The following ASTN1 variants were observed in gnomAD, a reference collection of about 807,000 sequenced individuals.
ASTN1 encodes astrotactin 1, also known as astrotactin-1.
In ASTN1, 41 loss-of-function variants were observed where a neutral mutation model predicts 140.7. The ratio of observed to expected loss-of-function variants is 0.29; its 90% CI spans 0.23 to 0.38. ASTN1 has a LOEUF of 0.38. Ranked by LOEUF, ASTN1 falls within the 10% of genes least tolerant of loss-of-function variation. The probability of loss-of-function intolerance (pLI) is 1.00; values close to 1 mark genes in which losing one functional copy is unlikely to be tolerated. For missense variants in ASTN1, 1,479 were observed against 1,678.8 expected, an observed-to-expected ratio of 0.88 and a Z score of 2.08; for synonymous variants, 640 against 652.2, an observed-to-expected ratio of 0.98 and a Z score of 0.29.
intron 8 of ASTN1, among the ~76,000 whole-genome samples, chr1:177,009,363 C>T (rs1173317491): frequency 6.6e-6 from 1 of 152,192 alleles, no homozygotes; most frequent in Non-Finnish European, 1.5e-5. Context: ...TTAAGAATGA[C>T]ATCCTTCAGG....
intron 1 of ASTN1, among the ~76,000 whole-genome samples, chr1:177,113,543 C>A (rs1680922296): frequency 1.3e-5 from 2 of 152,184 alleles, no homozygotes; most frequent in Non-Finnish European, 2.9e-5. Context: ...GTGTCAGTGC[C>A]TGAGCTGGGC....
At chr1:176,930,059 A>G (rs192105782) in intron 16 of ASTN1, among the ~76,000 whole-genome samples, 2 of 152,314 alleles carry the variant, frequency 1.3e-5, no homozygotes, top group Non-Finnish European at 2.9e-5. Context: ...GTGGAGTGGC[A>G]GGAAACGGAA....
intron 16 of ASTN1, among the ~76,000 whole-genome samples, chr1:176,903,615 G>GT (rs1669862347): frequency 6.6e-6 from 1 of 152,110 alleles, no homozygotes. Flanking sequence ...ACTTGATTCC[G>GT]TTTTTTCATT....
chr1:176,867,328 G>A (rs527737362), intron 22 of ASTN1, among the ~76,000 whole-genome samples: 2 of 152,230 alleles, frequency 1.3e-5, no homozygotes, highest in South Asian at 4.1e-4. Context: ...AGAGGGGAGA[G>A]GGGAGCAGAG....
chr1:176,943,440 A>C (rs12062044), intron 14 of ASTN1, among the ~76,000 whole-genome samples: 4,342 of 152,254 alleles, frequency 0.029, 198 homozygotes, highest in African/African-American at 0.098. Flanking sequence ...GCAGAGATGC[A>C]AACCCAGGGT....
Position 177,030,796 on chromosome 1 carries a change from A to G in ASTN1, c.1012+10T>C. 6.2e-7 allele frequency: 1 copy of G among 1,614,010 alleles called. No homozygotes were observed. Among genetic ancestry groups the G allele is most frequent in the African/African-American group, 1.3e-5 (1 of 75,038 alleles). ...ATCCACCCACGAGCCCTAATGTCAGACATGCATACCTCTTGCTTTGTTGTT... is the reference window on the plus strand; with the variant it reads ...ATCCACCCACGAGCCCTAATGTCAGGCATGCATACCTCTTGCTTTGTTGTT... On this transcript the variant is annotated intron_variant, in intron 4 of 22. Coordinates refer to ENST00000361833, the MANE Select transcript of ASTN1 (RefSeq NM_004319.3).
intron 15 of ASTN1, among the ~76,000 whole-genome samples, chr1:176,934,581 CA>C (rs996998553): frequency 2.0e-5 from 3 of 151,536 alleles, no homozygotes; most frequent in African/African-American, 7.3e-5. Flanking sequence ...AAAACATTGC[CA>C]AACCTCTACT....
At chr1:176,941,992 G>A (rs1202398519) in intron 14 of ASTN1, among the ~76,000 whole-genome samples, 5 of 152,272 alleles carry the variant, frequency 3.3e-5, no homozygotes, top group East Asian at 1.9e-4. Context: ...GTGCATGTGC[G>A]CGTGTGCATG....
intron 16 of ASTN1, among the ~76,000 whole-genome samples, chr1:176,932,857 C>T (rs1293236417): frequency 6.6e-6 from 1 of 152,212 alleles, no homozygotes; most frequent in Non-Finnish European, 1.5e-5. Context: ...CCTTGAACCA[C>T]TGGCAAACAG....
intron 8 of ASTN1, among the ~76,000 whole-genome samples, chr1:176,971,913 C>T (rs890907627): frequency 5.9e-5 from 9 of 152,080 alleles, no homozygotes; most frequent in African/African-American, 2.2e-4. Context: ...TCATGAGTTG[C>T]TCAATGATGA....
At chr1:177,163,236 T>C (rs1647491928) in intron 1 of ASTN1, among the ~76,000 whole-genome samples, 1 of 152,224 alleles carries the variant, frequency 6.6e-6, no homozygotes, top group South Asian at 2.1e-4. Flanking sequence ...ATTTTCTTTT[T>C]TTCTCTACTT....
intron 2 of ASTN1, among the ~76,000 whole-genome samples, chr1:177,056,217 C>T (rs1381155672): frequency 6.6e-6 from 1 of 152,184 alleles, no homozygotes; most frequent in Non-Finnish European, 1.5e-5. Context: ...TACTACTTTT[C>T]CACACTGGAA....
chr1:176,934,375 G>A (rs753722500), intron 15 of ASTN1, 35 bp from the exon 16 acceptor site: 1 of 1,557,096 alleles, frequency 6.4e-7, no homozygotes, highest in Non-Finnish European at 8.8e-7. Flanking sequence ...TAAGAATGAG[G>A]GCTCAGATTT....
chr1:176,941,967 C>T lies in ASTN1; in HGVS notation c.2377+1924G>A, dbSNP rs561699036. Among the ~76,000 whole-genome samples the T allele has an allele frequency of 9.9e-3, 1,502 of 152,250 alleles. 25 individuals are homozygous for T. The highest frequency in any genetic ancestry group is 0.032 in the African/African-American group (1,318 of 41,534). On this transcript the variant is annotated intron_variant, in intron 14 of 22. Transcript: ENST00000361833. ...TCCGGAAGCTGCAAGTTAATTTCTT[C>T]AGGTGTGTGTATGTGTGCATGTGCG...
chr1:176,888,713 G>C (rs1448090289), intron 17 of ASTN1, among the ~76,000 whole-genome samples: 3 of 152,160 alleles, frequency 2.0e-5, no homozygotes, highest in Non-Finnish European at 4.4e-5. Context: ...CTTGGGTTGT[G>C]ACTTGGCATT....
intron 10 of ASTN1, among the ~76,000 whole-genome samples, 161 bp from the exon 11 acceptor site, chr1:176,957,989 G>A (rs1672488395): frequency 6.6e-6 from 1 of 152,174 alleles, no homozygotes; most frequent in South Asian, 2.1e-4. Context: ...ACTAACAAAC[G>A]ATGGGCATTC....
At chr1:177,094,820 AAGGGTAATTCTGATC>A (rs1271193280) in intron 1 of ASTN1, among the ~76,000 whole-genome samples, 1 of 152,190 alleles carries the variant, frequency 6.6e-6, no homozygotes, top group African/African-American at 2.4e-5. Flanking sequence ...AAAGACTGTT[AAGGGTAATTCTGATC>A]AGGGCTCAGA....
At chr1:177,089,097 C>A (rs1679616814) in intron 1 of ASTN1, among the ~76,000 whole-genome samples, 1 of 152,238 alleles carries the variant, frequency 6.6e-6, no homozygotes, top group African/African-American at 2.4e-5. Context: ...GCTGATTTTT[C>A]TTGGCTATAT....
chr1:176,965,986 T>C (rs1393621309), intron 8 of ASTN1, among the ~76,000 whole-genome samples: 2 of 152,220 alleles, frequency 1.3e-5, no homozygotes, highest in South Asian at 2.1e-4. Flanking sequence ...CAAGACTATT[T>C]CTTTTAAATA....
Sources: gnomAD v4.1 joint callset for allele counts (sites outside exome capture counted in the v4.1 genomes callset) on GRCh38, gnomAD v4.1.1 for gene constraint, MANE v1.5 for transcripts, NCBI Gene and HGNC (gene_info 2026-07-23, HGNC 2026-07-21) for gene names.